FPR3: variants seen among roughly 807,000 people sequenced by gnomAD.
FPR3 encodes N-formyl peptide receptor 3.
For missense variants in FPR3, 346 were observed against 443.2 expected (o/e 0.78, Z 1.97); for synonymous variants, 135 against 163.6 (o/e 0.83, Z 1.34).
intron 1 of FPR3, among the ~76,000 whole-genome samples, chr19:51,811,036 T>C (rs1236959162): frequency 6.6e-6 from 1 of 152,218 alleles, no homozygotes; most frequent in African/African-American, 2.4e-5. Context: ...CTCTCCTGTT[T>C]TTTATTTTCA....
intron 1 of FPR3, among the ~76,000 whole-genome samples, chr19:51,822,248 GC>G (rs1310887726): frequency 1.3e-5 from 2 of 152,158 alleles, no homozygotes; most frequent in Admixed American, 1.3e-4. Context: ...TAGTGTTATT[GC>G]CCAGAATTTA....
intron 1 of FPR3, among the ~76,000 whole-genome samples, chr19:51,809,236 G>A (rs1027142510): frequency 3.9e-5 from 6 of 152,156 alleles, no homozygotes; most frequent in African/African-American, 1.2e-4. Flanking sequence ...GTACATGACT[G>A]TCCATCTGGA....
At chr19:51,805,574 T>C (rs1425937937) in intron 1 of FPR3, among the ~76,000 whole-genome samples, 1 of 152,208 alleles carries the variant, frequency 6.6e-6, no homozygotes, top group Admixed American at 6.5e-5. Context: ...GACAGCGCAA[T>C]TGCCGCTGCA....
intron 1 of FPR3, among the ~76,000 whole-genome samples, chr19:51,799,146 C>G (rs758781701): frequency 6.6e-6 from 1 of 152,100 alleles, no homozygotes. Context: ...CGCCACACCC[C>G]ACTCCCACTG....
chr19:51,798,128 C>T (rs752402619), intron 1 of FPR3, among the ~76,000 whole-genome samples: 18 of 151,974 alleles, frequency 1.2e-4, no homozygotes, highest in Admixed American at 7.9e-4. Flanking sequence ...TTTACACCAT[C>T]GAGGTGTCAG....
intron 1 of FPR3, chr19:51,803,699 G>A (rs1055636780): frequency 2.6e-5 from 4 of 152,048 alleles, no homozygotes; most frequent in Non-Finnish European, 4.4e-5. Context: ...CAGGAGCCAC[G>A]AAGGACAGCG....
intron 1 of FPR3, chr19:51,811,589 T>C (rs2084096822): frequency 6.6e-6 from 1 of 152,226 alleles, no homozygotes; most frequent in African/African-American, 2.4e-5. Context: ...GTTCAGACTG[T>C]CGCCTGTTTG....
chr19:51,819,769 A>G (rs1428685785), intron 1 of FPR3, among the ~76,000 whole-genome samples: 2 of 152,238 alleles, frequency 1.3e-5, no homozygotes, highest in African/African-American at 4.8e-5. Flanking sequence ...CACTTCTCTT[A>G]AAGAAATAGG....
intron 1 of FPR3, among the ~76,000 whole-genome samples, chr19:51,797,244 A>C (rs1416045516): frequency 6.6e-6 from 1 of 152,164 alleles, no homozygotes; most frequent in Non-Finnish European, 1.5e-5. Flanking sequence ...GACAGAAGTC[A>C]ATGTGGAGTG....
intron 1 of FPR3, among the ~76,000 whole-genome samples, chr19:51,799,828 A>T (rs1480130559): frequency 6.6e-6 from 1 of 152,192 alleles, no homozygotes; most frequent in East Asian, 1.9e-4. Flanking sequence ...TGAGCCATAC[A>T]TGCTTCTCTG....
At chr19:51,795,501 ATTCTTTTTTTTTTTTTT>A (rs1047124638) in intron 1 of FPR3, among the ~76,000 whole-genome samples, 170 bp downstream of exon 1, 10 of 77,076 alleles carry the variant, frequency 1.3e-4, no homozygotes, top group African/African-American at 4.8e-4. Context: ...TTCCAGTAAC[ATTCTTTTTTTTTTTTTT>A]TTTTTTTTTT....
chr19:51,807,151 G>C (rs2084064859), intron 1 of FPR3, among the ~76,000 whole-genome samples: 1 of 152,180 alleles, frequency 6.6e-6, no homozygotes, highest in South Asian at 2.1e-4. Context: ...CTTGCCTCTA[G>C]TGGACAATGG....
intron 1 of FPR3, among the ~76,000 whole-genome samples, chr19:51,797,114 G>A (rs937122671): frequency 1.3e-5 from 2 of 152,178 alleles, no homozygotes; most frequent in South Asian, 2.1e-4. Context: ...GGGAGAAAGT[G>A]ATCCAATGGG....
chr19:51,822,351 G>C (rs1268574688), intron 1 of FPR3, among the ~76,000 whole-genome samples: 1 of 152,164 alleles, frequency 6.6e-6, no homozygotes, highest in Non-Finnish European at 1.5e-5. Flanking sequence ...CGCAAAGATG[G>C]AGGAGGGATA....
At chr19:51,808,065 T>C (rs766213827) in intron 1 of FPR3, among the ~76,000 whole-genome samples, 2 of 152,232 alleles carry the variant, frequency 1.3e-5, no homozygotes, top group Non-Finnish European at 2.9e-5. Context: ...CCATGAGGCA[T>C]GTCTCTGCTG....
intron 1 of FPR3, among the ~76,000 whole-genome samples, chr19:51,809,361 A>G (rs2084082169): frequency 6.6e-6 from 1 of 152,232 alleles, no homozygotes; most frequent in Non-Finnish European, 1.5e-5. Flanking sequence ...GTCTTTAGAT[A>G]TGACTGACAC....
intron 1 of FPR3, chr19:51,811,366 A>C (rs1356678197): frequency 6.6e-6 from 1 of 152,032 alleles, no homozygotes; most frequent in Non-Finnish European, 1.5e-5. Context: ...GCACATAATT[A>C]TTTTTTTCAG....
chr19:51,814,874 A>G (rs891713715), intron 1 of FPR3, among the ~76,000 whole-genome samples: 2 of 151,544 alleles, frequency 1.3e-5, no homozygotes, highest in African/African-American at 4.9e-5. Flanking sequence ...CAGTGGCGCC[A>G]TCTCAGCTCA....
At chr19:51,820,374 A>C (rs2084179354) in intron 1 of FPR3, among the ~76,000 whole-genome samples, 1 of 152,230 alleles carries the variant, frequency 6.6e-6, no homozygotes, top group Admixed American at 6.5e-5. Context: ...GTCCCAGAGC[A>C]AGGATGTTGT....
Sources: allele counts gnomAD v4.1 joint callset (sites outside exome capture counted in the v4.1 genomes callset), GRCh38; gene constraint gnomAD v4.1.1; transcripts MANE v1.5; gene names NCBI Gene and HGNC (gene_info 2026-07-23, HGNC 2026-07-21).